NBPF15: variants seen among roughly 807,000 people sequenced by gnomAD.
NBPF15 encodes NBPF member 15.
NBPF15 carries 74 observed loss-of-function variants against 62.2 expected under a neutral mutation model. That is an observed-to-expected ratio of 1.19 (90% CI 0.99 to 1.44). The LOEUF is 1.44. NBPF15 is among the 40% of genes most tolerant of loss of function. The probability of loss-of-function intolerance (pLI) is 0.00; values close to 1 mark genes in which losing one functional copy is unlikely to be tolerated. For missense variants in NBPF15, 790 were observed against 550.0 expected, an observed-to-expected ratio of 1.44 and a Z score of -4.36; for synonymous variants, 244 against 209.7, an observed-to-expected ratio of 1.16 and a Z score of -1.41.
chr1:144,436,099 C>G (rs1678081064), intron 10 of NBPF15, among the ~76,000 whole-genome samples: 1 of 151,944 alleles, frequency 6.6e-6, no homozygotes, highest in Non-Finnish European at 1.5e-5. Context: ...CTTCCCATAT[C>G]ACTGGAGGCT....
Position 144,426,451 on chromosome 1 carries a change from C to T in NBPF15, c.1266-1G>A. The T allele has an allele frequency of 1.3e-6, 1 of 796,716 alleles. No individual in the cohort carries two copies. Among genetic ancestry groups the T allele is most frequent in the South Asian group, 1.4e-5 (1 of 73,574 alleles). 49.4% of individuals were successfully genotyped at this position (796,716 alleles called of 1,614,324 possible). Reference sequence around the variant, plus strand: ...CTCATCCAGCAGCTCCCTGCTGAGCCTGGAAAAGTAGGAAAAAGTAAAGAA... The same window carrying T: ...CTCATCCAGCAGCTCCCTGCTGAGCTTGGAAAAGTAGGAAAAAGTAAAGAA... On this transcript the variant is annotated splice_acceptor_variant, in intron 17 of 21. Coordinates refer to ENST00000581897, the MANE Select transcript of NBPF15 (RefSeq NM_001385408.1). LOFTEE classifies it high-confidence loss of function.
chr1:144,423,243 G>C lies in NBPF15; in HGVS notation c.1783C>G (p.Leu595Val), dbSNP rs782774188. ...NPPCPRLYGV[L>V]MEVEEPEVLQ... Reference sequence around the variant, plus strand: ...ACTTCAGGCTCTTCCACTTCCATCAGCACGCCGTAGAGCCTGGAAAAGGAG... The same window carrying C: ...ACTTCAGGCTCTTCCACTTCCATCACCACGCCGTAGAGCCTGGAAAAGGAG... The change falls in exon 22 of 22, where the codon CTG becomes GTG. Residue 595 changes from leucine (L) to valine (V), a missense_variant. By Grantham distance (32) the Leu-to-Val change is conservative. Transcript: ENST00000581897. 3.4e-5 allele frequency: 54 copies of C among 1,611,378 alleles called. No individual in the cohort carries two copies. Among genetic ancestry groups the C allele is most frequent in the Middle Eastern group, 2.2e-4 (1 of 4,454 alleles).
rs1668358195 is a variant in NBPF15, at chr1:144,424,724, C to T, written c.1629G>A (p.Glu543=). 4.9e-6 allele frequency: 3 copies of T among 609,570 alleles called. No homozygotes were observed. The highest frequency in any genetic ancestry group is 3.0e-5 in the Admixed American group (1 of 32,844). 37.8% of individuals were successfully genotyped at this position (609,570 alleles called of 1,614,324 possible). A position where few individuals can be genotyped will look rare whatever the true frequency, so the allele number is the denominator to read the frequency against. ...CAAGAGAAAAGCCAACATGTTTTTC[C>T]TCCAATGCATAAAAGGAACTTCCAT... ...QPYGSSFYAL[E]EKHVGFSLDV... Residue 543 remains glutamate (E), a synonymous_variant, in exon 20 of 22, where the codon GAG becomes GAA. Transcript: ENST00000581897.
In NBPF15 at chr1:144,440,010, G is replaced by A. The variant is rs1182013692; in HGVS notation, c.-7C>T. The A allele has an allele frequency of 5.6e-5, 90 of 1,606,578 alleles. No homozygotes were observed. The highest frequency in any genetic ancestry group is 4.5e-4 in the Middle Eastern group (2 of 4,478). ...GGCCGGCTGATACCACCATGCTGAC[G>A]TTTGTGGCAGAAGAGGTGGAGTCAG... is the stretch of plus-strand genomic sequence containing the variant. On this transcript the variant is annotated 5_prime_UTR_variant, in exon 8 of 22. The change creates a new upstream start codon in the 5' untranslated region. Transcript: ENST00000581897.
intron 6 of NBPF15, among the ~76,000 whole-genome samples, chr1:144,446,299 T>C (rs200479519): frequency 2.3e-4 from 32 of 142,178 alleles, no homozygotes; most frequent in African/African-American, 6.9e-4. Flanking sequence ...GCAACACTAC[T>C]AAACTCACTG....
intron 4 of NBPF15, among the ~76,000 whole-genome samples, chr1:144,453,748 G>A (rs1692721111): frequency 6.8e-6 from 1 of 146,032 alleles, no homozygotes; most frequent in African/African-American, 2.6e-5. Context: ...TTGTTGTGAG[G>A]GAATTGCACA....
intron 2 of NBPF15, 47 bp from the exon 3 acceptor site, chr1:144,459,530 T>A: frequency 6.6e-6 from 1 of 151,014 alleles, no homozygotes; most frequent in Non-Finnish European, 1.5e-5. Context: ...CATTCATGAA[T>A]AAGCACCATT....
chr1:144,443,207 T>C lies in NBPF15; in HGVS notation c.-190-2912A>G, dbSNP rs1401628090. Among the ~76,000 whole-genome samples the C allele has an allele frequency of 1.6e-3, 248 of 152,066 alleles. 1 individual carries two copies. Among genetic ancestry groups the C allele is most frequent in the African/African-American group, 5.6e-3 (233 of 41,488 alleles). On this transcript the variant is annotated intron_variant, in intron 6 of 21. Coordinates refer to ENST00000581897, the MANE Select transcript of NBPF15 (RefSeq NM_001385408.1). Reference sequence around the variant, plus strand: ...CCTGTGTGTGGCTGGAAAACTTTTTTGTTTTGATGGATTTTTTATGAATAA... The same window carrying C: ...CCTGTGTGTGGCTGGAAAACTTTTTCGTTTTGATGGATTTTTTATGAATAA...
chr1:144,439,992 T>A lies in NBPF15; in HGVS notation c.12A>T (p.Ser4=). The change falls in exon 8 of 22, where the codon TCA becomes TCT. Residue 4 remains serine, a synonymous_variant. Coordinates refer to ENST00000581897, the MANE Select transcript of NBPF15 (RefSeq NM_001385408.1). MVV[S]AGPLSSEKAE... ...CCTTCTCGCTGGACAAAGGGCCGGC[T>A]GATACCACCATGCTGACGTTTGTGG... is the stretch of plus-strand genomic sequence containing the variant. 1 of 1,608,580 alleles carries A rather than the reference T, an allele frequency of 6.2e-7. No individual in the cohort carries two copies.
rs1553539548 is a variant in NBPF15, at chr1:144,427,770, A to G, written c.1213+48T>C. 3 of 613,614 alleles carry G rather than the reference A, an allele frequency of 4.9e-6. 1 individual carries two copies. In the South Asian group the frequency reaches 5.9e-5, roughly 12 times the overall value. 38.0% of individuals were successfully genotyped at this position (613,614 alleles called of 1,614,324 possible). ...CACTTGCAGTAGGAATATGACCCTA[A>G]CCAGAAGACTCAGTGGATCCTTATC... On this transcript the variant is annotated intron_variant, in intron 16 of 21. Coordinates refer to ENST00000581897, the MANE Select transcript of NBPF15 (RefSeq NM_001385408.1).
chr1:144,443,583 C>A (rs1260174046), intron 6 of NBPF15, among the ~76,000 whole-genome samples: 5 of 151,770 alleles, frequency 3.3e-5, no homozygotes, highest in African/African-American at 1.2e-4. Flanking sequence ...ATTTATTTAG[C>A]CTTCTTTAAT....
chr1:144,431,835 T>C (rs1674590665), intron 13 of NBPF15, among the ~76,000 whole-genome samples: 1 of 143,088 alleles, frequency 7.0e-6, no homozygotes, highest in Non-Finnish European at 1.5e-5. Flanking sequence ...TCATTTTTTA[T>C]AGCTGCATAG....
intron 10 of NBPF15, among the ~76,000 whole-genome samples, chr1:144,436,056 C>G: frequency 6.6e-6 from 1 of 151,422 alleles, no homozygotes; most frequent in East Asian, 1.9e-4. Context: ...GGGCCACCAT[C>G]AAGATGTGGC....
At position 144,425,671 on chromosome 1, in the gene NBPF15, T is replaced by C. The variant is rs1202569279; in HGVS notation, c.1439-103A>G. 1.2e-5 allele frequency: 7 copies of C among 601,544 alleles called. No homozygotes were observed. The Admixed American group carries it at 1.8e-4, about 15-fold the overall frequency. The allele number at this position is 601,544 out of a possible 1,614,324, so 37.3% of individuals were successfully genotyped here. A position where few individuals can be genotyped will look rare whatever the true frequency, so the allele number is the denominator to read the frequency against. On this transcript the variant is annotated intron_variant, in intron 18 of 21. Transcript: ENST00000581897. ...CACAGGGATCTCAGGCTTCTCAGCA[T>C]GAGAACAGGACAATGTGAGAGAGAT...
intron 13 of NBPF15, among the ~76,000 whole-genome samples, 155 bp from the exon 14 acceptor site, chr1:144,430,018 A>G (rs1426824167): frequency 2.2e-4 from 33 of 148,510 alleles, no homozygotes; most frequent in African/African-American, 4.3e-4. Flanking sequence ...CCTTCTAAAT[A>G]CAGGGTGGAG....
chr1:144,461,315 G>A (rs1302014482), intron 1 of NBPF15, 66 bp downstream of exon 1: 1 of 143,880 alleles, frequency 7.0e-6, no homozygotes, highest in Middle Eastern at 3.5e-3. Context: ...GCCCTCCGTC[G>A]CTCGCAACAA....
intron 13 of NBPF15, among the ~76,000 whole-genome samples, chr1:144,432,164 T>G (rs1674846987): frequency 1.3e-5 from 2 of 151,952 alleles, no homozygotes. Context: ...TCAACCTTCT[T>G]AAAGAAAAGA....
intron 4 of NBPF15, among the ~76,000 whole-genome samples, chr1:144,451,362 G>A (rs1553545452): frequency 6.6e-6 from 1 of 151,446 alleles, no homozygotes; most frequent in Non-Finnish European, 1.5e-5. Flanking sequence ...CCAGGGATGA[G>A]CAGGAGACAG....
intron 21 of NBPF15, among the ~76,000 whole-genome samples, chr1:144,423,594 G>C (rs1438657308): frequency 6.6e-6 from 1 of 151,944 alleles, no homozygotes; most frequent in African/African-American, 2.4e-5. Flanking sequence ...AAAAGAGTGA[G>C]CTCAATAGTT....
Sources: gnomAD v4.1 joint callset for allele counts (sites outside exome capture counted in the v4.1 genomes callset) on GRCh38, gnomAD v4.1.1 for gene constraint, MANE v1.5 for transcripts, NCBI Gene and HGNC (gene_info 2026-07-23, HGNC 2026-07-21) for gene names.